Variants in PTBP3 observed in about 807,000 individuals in gnomAD.
PTBP3 encodes the protein polypyrimidine tract binding protein 3, also known as polypyrimidine tract-binding protein 3.
In PTBP3, 20 loss-of-function variants were observed where a neutral mutation model predicts 58.7. The ratio of observed to expected loss-of-function variants is 0.34; its 90% CI spans 0.24 to 0.50. The LOEUF (loss-of-function observed/expected upper bound fraction) is 0.50, where lower values mean the gene tolerates loss of function less well. Among genes scored for constraint, PTBP3 ranks in the 20% least tolerant of loss-of-function variants. The pLI is 0.98. For synonymous variants in PTBP3, 185 were observed against 219.8 expected (o/e 0.84, Z 1.40); for missense variants, 509 against 637.2 (o/e 0.80, Z 2.17).
chr9:112,234,686 A>G (rs1323144340), intron 8 of PTBP3, 134 bp downstream of exon 8: 3 of 741,448 alleles, frequency 4.0e-6, no homozygotes, highest in African/African-American at 1.8e-5. Context: ...ACAAATCACT[A>G]CACTTCTACA....
chr9:112,328,472 C>T (rs897295181), intron 1 of PTBP3, among the ~76,000 whole-genome samples: 1 of 152,202 alleles, frequency 6.6e-6, no homozygotes, highest in African/African-American at 2.4e-5. Context: ...AGCAGGTAGT[C>T]AGAAAGCCAA....
At chr9:112,293,741 A>G (rs1203494486) in intron 2 of PTBP3, among the ~76,000 whole-genome samples, 2 of 152,184 alleles carry the variant, frequency 1.3e-5, no homozygotes, top group Non-Finnish European at 2.9e-5. Flanking sequence ...TGGAGGAAAA[A>G]GTTCAGCTTC....
At chr9:112,360,781 T>C in the PTBP3 span, among the ~76,000 whole-genome samples, 1 of 149,380 alleles carries the variant, frequency 6.7e-6, no homozygotes, top group Non-Finnish European at 1.5e-5. Flanking sequence ...AGAATCAACT[T>C]TTTTTTTTTA....
At chr9:112,370,498 G>A in the PTBP3 span, among the ~76,000 whole-genome samples, 12 of 152,044 alleles carry the variant, frequency 7.9e-5, no homozygotes, top group Non-Finnish European at 1.8e-4. Context: ...CCGAGATTGC[G>A]CTACTGCATT....
At chr9:112,294,942 A>C (rs549109568) in intron 2 of PTBP3, among the ~76,000 whole-genome samples, 1 of 152,346 alleles carries the variant, frequency 6.6e-6, no homozygotes, top group South Asian at 2.1e-4. Flanking sequence ...CAATATTTGA[A>C]GTAATAGTTA....
intron 2 of PTBP3, 61 bp downstream of exon 2, chr9:112,297,771 T>G (rs150739046): frequency 7.4e-7 from 1 of 1,349,382 alleles, no homozygotes; most frequent in Admixed American, 2.3e-5. Flanking sequence ...AATAAGAGCA[T>G]TGTAAAAAAA....
the PTBP3 span, chr9:112,379,879 C>A: frequency 1.8e-6 from 1 of 550,754 alleles, no homozygotes; most frequent in Non-Finnish European, 3.2e-6. Context: ...ACCGTACGAC[C>A]AGTGAGGGGG....
intron 7 of PTBP3, among the ~76,000 whole-genome samples, chr9:112,236,069 G>A (rs572858724): frequency 8.5e-5 from 13 of 152,126 alleles, no homozygotes; most frequent in Admixed American, 2.6e-4. Flanking sequence ...GGAGATGACT[G>A]TATTTATAGG....
At chr9:112,344,856 A>G in the PTBP3 span, among the ~76,000 whole-genome samples, 130,216 of 152,128 alleles carry the variant, frequency 0.86, 56,137 homozygotes, top group African/African-American at 0.95. Context: ...ATGGCTAGCC[A>G]GGCACGGTGG....
chr9:112,363,525 C>T, the PTBP3 span, among the ~76,000 whole-genome samples: 30 of 120,384 alleles, frequency 2.5e-4, no homozygotes, highest in Admixed American at 1.2e-3. Context: ...GTCACACACA[C>T]ACACACACAC....
the PTBP3 span, among the ~76,000 whole-genome samples, chr9:112,345,223 A>G: frequency 6.6e-6 from 1 of 151,314 alleles, no homozygotes; most frequent in Non-Finnish European, 1.5e-5. Flanking sequence ...CCCACCAGCT[A>G]CTCCTTGGGA....
intron 3 of PTBP3, among the ~76,000 whole-genome samples, chr9:112,271,428 T>C (rs1288021148): frequency 6.6e-6 from 1 of 152,166 alleles, no homozygotes; most frequent in Non-Finnish European, 1.5e-5. Context: ...TCAACCTTTA[T>C]CATAAAATAA....
At chr9:112,284,746 T>C (rs1828034310) in intron 2 of PTBP3, among the ~76,000 whole-genome samples, 2 of 152,020 alleles carry the variant, frequency 1.3e-5, no homozygotes, top group Admixed American at 6.6e-5. Flanking sequence ...AAAAACAAGA[T>C]TTAATGACTG....
chr9:112,374,980 G>A, the PTBP3 span, among the ~76,000 whole-genome samples: 4 of 152,216 alleles, frequency 2.6e-5, no homozygotes, highest in African/African-American at 9.6e-5. Context: ...AGCAGTGGCT[G>A]TAGCCAGGTC....
rs60262490 is a variant in PTBP3 at position 112,290,707 on chromosome 9, TAC to T, written c.34+7123_34+7124del. Among the ~76,000 whole-genome samples the T allele has an allele frequency of 2.9e-3, 324 of 110,898 alleles. 3 individuals are homozygous for T. The highest frequency in any genetic ancestry group is 8.3e-3 in the African/African-American group (213 of 25,762). 72.8% of individuals were successfully genotyped at this position (110,898 alleles called of 152,430 possible). On this transcript the variant is annotated intron_variant, in intron 2 of 13. Coordinates refer to ENST00000374257, the MANE Select transcript of PTBP3 (RefSeq NM_001163788.4). ...AAAAAAATATATATATATATATATA[TAC>T]ACACACACACACACACACACACACA...
At chr9:112,294,467 G>A (rs1377021688) in intron 2 of PTBP3, among the ~76,000 whole-genome samples, 3 of 152,156 alleles carry the variant, frequency 2.0e-5, no homozygotes, top group Non-Finnish European at 4.4e-5. Context: ...GCAGTGAGCC[G>A]TGTTTGTGCC....
chr9:112,235,020 C>A lies in PTBP3; in HGVS notation c.803-123G>T, dbSNP rs75431848. On this transcript the variant is annotated intron_variant, in intron 7 of 13. Transcript: ENST00000374257. ...AGAGATTCTGTTACGGAGTAAAGAT[C>A]TGTTCAACAAGTGATCTTTAACGTA... 4,116 of 759,172 alleles carry A rather than the reference C, an allele frequency of 5.4e-3. 9 individuals carry two copies. The highest frequency in any genetic ancestry group is 7.3e-3 in the Non-Finnish European group (3,514 of 482,114). The allele number at this position is 759,172 out of a possible 1,614,324, so 47.0% of individuals were successfully genotyped here. A position where few individuals can be genotyped will look rare whatever the true frequency, so the allele number is the denominator to read the frequency against.
At chr9:112,240,645 C>T (rs549510900) in intron 7 of PTBP3, among the ~76,000 whole-genome samples, 21 of 83,076 alleles carry the variant, frequency 2.5e-4, no homozygotes, top group African/African-American at 1.4e-3. Context: ...TGTACTCCTA[C>T]TTGTTTTTTT....
At chr9:112,312,939 G>A (rs1180993482) in intron 1 of PTBP3, among the ~76,000 whole-genome samples, 9 of 152,022 alleles carry the variant, frequency 5.9e-5, no homozygotes, top group Non-Finnish European at 7.4e-5. Flanking sequence ...AGCTATTCAG[G>A]AGGCTGAAGT....
Sources: allele counts gnomAD v4.1 joint callset (sites outside exome capture counted in the v4.1 genomes callset), GRCh38; gene constraint gnomAD v4.1.1; transcripts MANE v1.5; gene names NCBI Gene and HGNC (gene_info 2026-07-23, HGNC 2026-07-21).